ACAD11: variants seen among roughly 807,000 people sequenced by gnomAD.
The protein encoded by ACAD11 is acyl-CoA dehydrogenase family member 11.
ACAD11 carries 83 observed loss-of-function variants against 102.2 expected under a neutral mutation model. The observed-to-expected ratio is 0.81, with a 90% confidence interval of 0.68 to 0.97. The LOEUF (loss-of-function observed/expected upper bound fraction) is 0.97, where lower values mean the gene tolerates loss of function less well. Ranked by LOEUF, ACAD11 falls within the 50% of genes least tolerant of loss-of-function variation. The probability of loss-of-function intolerance (pLI) is 0.00; values close to 1 mark genes in which losing one functional copy is unlikely to be tolerated. For synonymous variants in ACAD11, 324 were observed against 319.8 expected (o/e 1.01, Z -0.14); for missense variants, 901 against 951.7 (o/e 0.95, Z 0.70).
At chr3:132,631,272 T>C (rs1940031612) in intron 6 of ACAD11, 69 bp downstream of exon 6, 4 of 972,202 alleles carry the variant, frequency 4.1e-6, no homozygotes, top group Non-Finnish European at 5.5e-6. Flanking sequence ...AAGATTTATA[T>C]TTTAATTATG....
At chr3:132,657,771 T>G (rs749425670) in intron 1 of ACAD11, among the ~76,000 whole-genome samples, 1 of 152,182 alleles carries the variant, frequency 6.6e-6, no homozygotes, top group Non-Finnish European at 1.5e-5. Flanking sequence ...TCTATGTAGA[T>G]TATTGGCTCT....
intron 2 of ACAD11, 24 bp downstream of exon 2, chr3:132,644,773 T>C (rs767025490): frequency 2.1e-6 from 3 of 1,461,864 alleles, no homozygotes. Flanking sequence ...CCAAAGAATT[T>C]ATCATTACAT....
chr3:132,575,806 T>G lies in ACAD11; in HGVS notation c.1967A>C (p.Gln656Pro). The G allele has an allele frequency of 6.2e-7, 1 of 1,614,050 alleles. No homozygotes were observed. Among genetic ancestry groups the G allele is most frequent in the Non-Finnish European group, 8.5e-7 (1 of 1,179,966 alleles). ...CAACTTCTTCTTGAAAGCTATCCTTTGTGTTGCCCGCTCACACATGATCTG... is the reference window on the plus strand; with the variant it reads ...CAACTTCTTCTTGAAAGCTATCCTTGGTGTTGCCCGCTCACACATGATCTG... The part of the protein sequence containing the change: ...ALQIMCERAT[Q>P]RIAFKKKLYA... The change falls in exon 17 of 20, where the codon CAA becomes CCA. Residue 656 changes from glutamine to proline, a missense_variant. By Grantham distance (76) the Gln-to-Pro change is moderately conservative. Coordinates refer to ENST00000264990, the MANE Select transcript of ACAD11 (RefSeq NM_032169.5).
intron 17 of ACAD11, among the ~76,000 whole-genome samples, chr3:132,561,970 G>A (rs1937071453): frequency 6.6e-6 from 1 of 152,180 alleles, no homozygotes; most frequent in South Asian, 2.1e-4. Context: ...TAATGCCTTT[G>A]AGTTTCATCC....
At chr3:132,640,942 T>G (rs1206256797) in intron 4 of ACAD11, among the ~76,000 whole-genome samples, 2 of 152,218 alleles carry the variant, frequency 1.3e-5, no homozygotes, top group South Asian at 4.1e-4. Context: ...CACTCCAAAT[T>G]TTATCTTTCC....
intron 8 of ACAD11, among the ~76,000 whole-genome samples, chr3:132,627,752 T>C (rs1247674838): frequency 6.6e-6 from 1 of 152,188 alleles, no homozygotes; most frequent in Non-Finnish European, 1.5e-5. Flanking sequence ...AGAGAACAAA[T>C]ACCCATCTAT....
chr3:132,598,670 G>A (rs749443346), intron 13 of ACAD11, among the ~76,000 whole-genome samples: 1 of 152,204 alleles, frequency 6.6e-6, no homozygotes, highest in Non-Finnish European at 1.5e-5. Flanking sequence ...GCAGGAAATT[G>A]TATGGTAGAT....
intron 13 of ACAD11, among the ~76,000 whole-genome samples, chr3:132,586,856 G>T (rs186726869): frequency 7.2e-5 from 11 of 152,380 alleles, no homozygotes; most frequent in Middle Eastern, 3.4e-3. Flanking sequence ...ACTTTGGGAA[G>T]CTGAGGTGGG....
intron 15 of ACAD11, among the ~76,000 whole-genome samples, chr3:132,578,056 A>G (rs1937547797): frequency 1.3e-5 from 2 of 152,128 alleles, no homozygotes; most frequent in Non-Finnish European, 1.5e-5. Flanking sequence ...AGTCATATTC[A>G]ATGATAAAAA....
chr3:132,623,907 T>C (rs1939701058), intron 9 of ACAD11, among the ~76,000 whole-genome samples: 1 of 152,162 alleles, frequency 6.6e-6, no homozygotes, highest in Admixed American at 6.5e-5. Flanking sequence ...TGCTATCAGA[T>C]AGGCTTCATT....
chr3:132,618,352 A>G (rs1269776354), intron 11 of ACAD11: 1 of 356,258 alleles, frequency 2.8e-6, no homozygotes, highest in Admixed American at 4.7e-5. Flanking sequence ...GAAATATCCA[A>G]TTCCCATGGA....
rs1323824315 is a variant in ACAD11, at chr3:132,659,638, G to A, written c.114C>T (p.Ala38=). Residue 38 remains alanine (A), a synonymous_variant, in exon 1 of 20, where the codon GCC becomes GCT. Coordinates refer to ENST00000264990, the MANE Select transcript of ACAD11 (RefSeq NM_032169.5). The part of the protein sequence containing the change: ...YLNQHLSGFG[A]EREATLTIAQ... ...CAATGGTCAGCGTAGCCTCACGTTC[G>A]GCCCCAAAGCCAGACAAGTGCTGGT... The A allele has an allele frequency of 6.2e-7, 1 of 1,610,260 alleles. No individual in the cohort carries two copies. Among genetic ancestry groups the A allele is most frequent in the Admixed American group, 1.7e-5 (1 of 59,380 alleles).
chr3:132,659,347 C>A, intron 1 of ACAD11: 1 of 491,724 alleles, frequency 2.0e-6, no homozygotes, highest in Non-Finnish European at 3.5e-6. Context: ...GGACATAAAT[C>A]CATCCTTTAA....
intron 11 of ACAD11, among the ~76,000 whole-genome samples, chr3:132,616,353 G>C (rs1298797019): frequency 6.6e-6 from 1 of 152,186 alleles, no homozygotes; most frequent in East Asian, 1.9e-4. Context: ...TGATAAAATA[G>C]TGGCAGAGCT....
At chr3:132,632,765 T>G (rs1355940857) in intron 5 of ACAD11, among the ~76,000 whole-genome samples, 1 of 152,222 alleles carries the variant, frequency 6.6e-6, no homozygotes, top group Non-Finnish European at 1.5e-5. Context: ...GAGCAGTGGT[T>G]TGTAGTTCTC....
intron 5 of ACAD11, among the ~76,000 whole-genome samples, chr3:132,636,860 A>C (rs1338414432): frequency 6.6e-6 from 1 of 152,180 alleles, no homozygotes; most frequent in Non-Finnish European, 1.5e-5. Flanking sequence ...TATGCTGGAA[A>C]ATGACTGAAA....
chr3:132,588,641 A>G (rs1937951577), intron 13 of ACAD11, among the ~76,000 whole-genome samples: 1 of 152,216 alleles, frequency 6.6e-6, no homozygotes, highest in Admixed American at 6.5e-5. Flanking sequence ...ACTGTTGCTT[A>G]TAATTTAGAT....
At position 132,561,111 on chromosome 3, in the gene ACAD11, G is replaced by A. The variant is rs555997021; in HGVS notation, c.2108C>T (p.Ala703Val). 6.2e-7 allele frequency: 1 copy of A among 1,612,732 alleles called. No individual in the cohort carries two copies. Among genetic ancestry groups the A allele is most frequent in the East Asian group, 2.2e-5 (1 of 44,858 alleles). The change falls in exon 18 of 20, where the codon GCT becomes GTT. Residue 703 changes from alanine (A) to valine (V), a missense_variant. Ala to Val is a moderately conservative substitution (Grantham distance 64). Transcript: ENST00000264990. ...AGAAGGTAGCCTCACCTCTTTCTTA[G>A]CGCCAGCACTGCCCAGAGTGTCCAT... ...HSMDTLGSAG[A>V]KKEIAMIKVA...
chr3:132,628,875 TA>T (rs1939925867), intron 7 of ACAD11, among the ~76,000 whole-genome samples: 1 of 152,216 alleles, frequency 6.6e-6, no homozygotes, highest in East Asian at 1.9e-4. Flanking sequence ...TTTGGGTCCC[TA>T]ATGCAGGTAA....
Sources: gnomAD v4.1 joint callset for allele counts (sites outside exome capture counted in the v4.1 genomes callset) on GRCh38, gnomAD v4.1.1 for gene constraint, MANE v1.5 for transcripts, NCBI Gene and HGNC (gene_info 2026-07-23, HGNC 2026-07-21) for gene names.